Variants in PLD1 observed in about 807,000 individuals in gnomAD.
PLD1 encodes choline phosphatase 1.
A neutral mutation model predicts 137.1 loss-of-function variants in PLD1; 112 were observed. The ratio of observed to expected loss-of-function variants is 0.82; its 90% CI spans 0.70 to 0.96. The LOEUF (loss-of-function observed/expected upper bound fraction) is 0.96. PLD1 is among the 40% of genes least tolerant of loss of function. The pLI is 0.00. For missense variants in PLD1, 1,321 were observed against 1,342.0 expected (o/e 0.98, Z 0.24); for synonymous variants, 431 against 454.7 (o/e 0.95, Z 0.66).
intron 23 of PLD1, among the ~76,000 whole-genome samples, chr3:171,633,486 G>A (rs955882221): frequency 2.0e-5 from 3 of 152,034 alleles, no homozygotes; most frequent in Admixed American, 6.6e-5. Context: ...GGCCTGTTGC[G>A]GGGATGGGAG....
intron 1 of PLD1, among the ~76,000 whole-genome samples, chr3:171,783,178 G>C (rs940866548): frequency 2.0e-5 from 3 of 152,132 alleles, no homozygotes; most frequent in Non-Finnish European, 4.4e-5. Context: ...GAGTTTACTA[G>C]GGAAGTAGGG....
chr3:171,723,567 G>C (rs959614433), intron 8 of PLD1, among the ~76,000 whole-genome samples: 2 of 152,042 alleles, frequency 1.3e-5, no homozygotes, highest in African/African-American at 4.8e-5. Context: ...CGTAGTCGTC[G>C]TACTAATTTA....
intron 8 of PLD1, among the ~76,000 whole-genome samples, chr3:171,717,603 A>G (rs149802541): frequency 2.8e-4 from 42 of 152,322 alleles, no homozygotes; most frequent in African/African-American, 9.4e-4. Flanking sequence ...CTGAAGATGT[A>G]TATCAGCTCA....
rs751314572 is a variant in PLD1 at position 171,735,505 on chromosome 3, T to G, written c.421A>C (p.Ile141Leu). 3 of 1,613,502 alleles carry G rather than the reference T, an allele frequency of 1.9e-6. No homozygotes were observed. Among genetic ancestry groups the G allele is most frequent in the Non-Finnish European group, 2.5e-6 (3 of 1,179,440 alleles). The change falls in exon 4 of 27, where the codon ATT (isoleucine) becomes CTT (leucine). Residue 141 changes from isoleucine (I) to leucine (L), a missense_variant. Physicochemically the swap from Ile to Leu is conservative, Grantham distance 5. Coordinates refer to ENST00000351298, the MANE Select transcript of PLD1 (RefSeq NM_002662.5). ...LKYKAFIRIP[I>L]PTRRHTFRRQ... ...CAAAATGGTTACCTTCTAGTGGGAA[T>G]GGGGATGCGGATAAAGGCTTTGTAC...
chr3:171,720,121 C>T (rs1560248659), intron 8 of PLD1, among the ~76,000 whole-genome samples: 1 of 151,784 alleles, frequency 6.6e-6, no homozygotes, highest in Non-Finnish European at 1.5e-5. Flanking sequence ...ATGGTAAAAC[C>T]CCATCTTTAC....
intron 1 of PLD1, among the ~76,000 whole-genome samples, chr3:171,805,102 GTCTC>G (rs1158833133): frequency 6.6e-6 from 1 of 151,988 alleles, no homozygotes. Context: ...GGCCTCAGAA[GTCTC>G]TCTCTCTCTT....
chr3:171,639,573 A>C (rs1227570767), intron 23 of PLD1, among the ~76,000 whole-genome samples: 1 of 92,020 alleles, frequency 1.1e-5, no homozygotes, highest in South Asian at 3.1e-4. Context: ...TATTATATAT[A>C]ATATATATTC....
intron 23 of PLD1, among the ~76,000 whole-genome samples, chr3:171,622,715 T>A (rs183462364): frequency 5.3e-5 from 8 of 151,004 alleles, no homozygotes; most frequent in African/African-American, 1.9e-4. Context: ...CTTGGAAGTA[T>A]CAGCCAATAT....
At chr3:171,778,327 G>A (rs2108338370) in intron 1 of PLD1, among the ~76,000 whole-genome samples, 1 of 152,332 alleles carries the variant, frequency 6.6e-6, no homozygotes, top group South Asian at 2.1e-4. Context: ...AGTGATGAAA[G>A]CAGAAAACTT....
At chr3:171,660,098 A>G (rs1737543128) in intron 20 of PLD1, among the ~76,000 whole-genome samples, 1 of 152,228 alleles carries the variant, frequency 6.6e-6, no homozygotes, top group African/African-American at 2.4e-5. Context: ...ACACATCTGT[A>G]ATTTATAAGG....
In PLD1 at chr3:171,737,926, G is replaced by A. The variant is rs754573602; in HGVS notation, c.126C>T (p.Tyr42=). Residue 42 remains tyrosine, a synonymous_variant, in exon 2 of 27, where the codon TAC becomes TAT. Coordinates refer to ENST00000351298, the MANE Select transcript of PLD1 (RefSeq NM_002662.5). ...ELHFEGEEVD[Y]DVSPSDPKIQ... ...TCTTGGGATCGCTGGGAGACACGTC[G>A]TAGTCTACCTCCTCTCCCTCAAAGT... 2.6e-5 allele frequency: 42 copies of A among 1,613,840 alleles called. No individual in the cohort carries two copies. The highest frequency in any genetic ancestry group is 1.1e-4 in the South Asian group (10 of 91,048).
At chr3:171,785,305 G>A (rs1180436955) in intron 1 of PLD1, among the ~76,000 whole-genome samples, 1 of 152,126 alleles carries the variant, frequency 6.6e-6, no homozygotes, top group East Asian at 1.9e-4. Context: ...AAAGTACAAT[G>A]AAATAGGTGA....
chr3:171,761,062 T>C (rs1721359951), intron 1 of PLD1, among the ~76,000 whole-genome samples: 1 of 152,214 alleles, frequency 6.6e-6, no homozygotes, highest in South Asian at 2.1e-4. Context: ...GATAAATGTA[T>C]ACATCTTCAT....
At chr3:171,690,344 T>C (rs1210224202) in intron 13 of PLD1, among the ~76,000 whole-genome samples, 1 of 152,160 alleles carries the variant, frequency 6.6e-6, no homozygotes, top group Non-Finnish European at 1.5e-5. Context: ...TTTTCTATCC[T>C]CTGGTTTTAT....
At position 171,751,127 on chromosome 3, in the gene PLD1, T is replaced by A. The variant is rs553170987; in HGVS notation, c.-31-13045A>T. On this transcript the variant is annotated intron_variant, in intron 1 of 26. Transcript: ENST00000351298. ...CAATTCAGAGAAATATAAAATAAAA[T>A]TAGTTCTCTACCTCAAAGCTCCAAT... is the stretch of plus-strand genomic sequence containing the variant. 1.5e-3 allele frequency among the ~76,000 whole-genome samples: 221 copies of A among 152,240 alleles called. 2 individuals carry two copies. The highest frequency in any genetic ancestry group is 5.2e-3 in the African/African-American group (214 of 41,546).
rs1731856665 is a variant in PLD1, at chr3:171,601,930, G to T, written c.*1148C>A. ...CATTGTAACTTCACTGGAAGCCCTG[G>T]TGAGAGGCGTTAATACATATTTAAT... is the stretch of plus-strand genomic sequence containing the variant. On this transcript the variant is annotated 3_prime_UTR_variant, in exon 27 of 27. Coordinates refer to ENST00000351298, the MANE Select transcript of PLD1 (RefSeq NM_002662.5). 6.6e-6 allele frequency: 1 copy of T among 152,192 alleles called. No homozygotes were observed. Among genetic ancestry groups the T allele is most frequent in the Non-Finnish European group, 1.5e-5 (1 of 68,040 alleles). The allele number at this position is 152,192 out of a possible 1,614,324, so 9.4% of individuals were successfully genotyped here. A position where few individuals can be genotyped will look rare whatever the true frequency, so the allele number is the denominator to read the frequency against.
At chr3:171,730,483 C>T (rs1188867423) in intron 6 of PLD1, among the ~76,000 whole-genome samples, 1 of 151,564 alleles carries the variant, frequency 6.6e-6, no homozygotes, top group African/African-American at 2.4e-5. Flanking sequence ...AAGGTCTGAG[C>T]ACAAACCCAA....
At chr3:171,631,455 T>TTG (rs1168289312) in intron 23 of PLD1, among the ~76,000 whole-genome samples, 3 of 152,044 alleles carry the variant, frequency 2.0e-5, no homozygotes, top group Admixed American at 6.6e-5. Context: ...GAGAATAGGT[T>TTG]TGTGTGTGTG....
chr3:171,780,055 G>C (rs1036317288), intron 1 of PLD1, among the ~76,000 whole-genome samples: 3 of 151,980 alleles, frequency 2.0e-5, no homozygotes, highest in African/African-American at 7.2e-5. Flanking sequence ...ATTCAGGACT[G>C]GGGTTTATAT....
Sources: gnomAD v4.1 joint callset for allele counts (sites outside exome capture counted in the v4.1 genomes callset) on GRCh38, gnomAD v4.1.1 for gene constraint, MANE v1.5 for transcripts, NCBI Gene and HGNC (gene_info 2026-07-23, HGNC 2026-07-21) for gene names.